The following GRIP1 variants were observed in gnomAD, a reference collection of about 807,000 sequenced individuals.
GRIP1 encodes the protein glutamate receptor interacting protein 1, also known as glutamate receptor-interacting protein 1.
GRIP1 carries 45 observed loss-of-function variants against 129.9 expected under a neutral mutation model. That is an observed-to-expected ratio of 0.35 (90% CI 0.27 to 0.44). The LOEUF is 0.44. Among genes scored for constraint, GRIP1 ranks in the 20% least tolerant of loss-of-function variants. The pLI, the probability that GRIP1 is intolerant of heterozygous loss-of-function variation, is 1.00. For missense variants in GRIP1, 1,196 were observed against 1,396.8 expected (o/e 0.86, Z 2.29); for synonymous variants, 530 against 520.8 (o/e 1.02, Z -0.24).
intron 6 of GRIP1, 77 bp from the exon 7 acceptor site, chr12:66,515,841 T>C (rs973246603): frequency 6.3e-6 from 8 of 1,275,002 alleles, no homozygotes; most frequent in Non-Finnish European, 9.2e-6. Flanking sequence ...TTTAGCCAAA[T>C]TCGTTTTGTC....
At chr12:66,491,627 T>G (rs1037040587) in intron 7 of GRIP1, among the ~76,000 whole-genome samples, 1 of 151,794 alleles carries the variant, frequency 6.6e-6, no homozygotes, top group African/African-American at 2.4e-5. Context: ...AACTTAAGAG[T>G]TGAAGAAAAA....
chr12:66,842,077 G>A (rs1422605728), intron 1 of GRIP1, among the ~76,000 whole-genome samples: 1 of 151,892 alleles, frequency 6.6e-6, no homozygotes, highest in Admixed American at 6.6e-5. Flanking sequence ...TCCCCTTATT[G>A]AGGACATATA....
chr12:66,769,375 T>C (rs1029748733), intron 1 of GRIP1, among the ~76,000 whole-genome samples: 11 of 152,102 alleles, frequency 7.2e-5, no homozygotes, highest in African/African-American at 1.7e-4. Context: ...CCTGTGATTA[T>C]GCTCCCTGAA....
At chr12:66,806,742 TTATC>T, upstream of GRIP1, among the ~76,000 whole-genome samples, 1 of 152,104 alleles carries the variant, frequency 6.6e-6, no homozygotes, top group East Asian at 1.9e-4. Flanking sequence ...CAAAGTAAAA[TTATC>T]TACATACCAA....
intron 1 of GRIP1, among the ~76,000 whole-genome samples, chr12:66,692,377 C>G (rs956293320): frequency 6.6e-6 from 1 of 152,162 alleles, no homozygotes; most frequent in Non-Finnish European, 1.5e-5. Flanking sequence ...TAAGCTGTCC[C>G]TTCCTTTTTT....
chr12:66,759,924 G>A (rs573307317), intron 1 of GRIP1, among the ~76,000 whole-genome samples: 31 of 151,494 alleles, frequency 2.0e-4, no homozygotes, highest in Admixed American at 9.2e-4. Context: ...GTGCAATCTC[G>A]GCTCACTGCA....
intron 22 of GRIP1, 149 bp downstream of exon 22, chr12:66,376,868 A>G: frequency 1.3e-6 from 1 of 769,050 alleles, no homozygotes; most frequent in Admixed American, 1.7e-5. Flanking sequence ...GCAGGGAGCA[A>G]TGGCAGAAGC....
chr12:66,395,752 A>T (rs879266082), intron 16 of GRIP1, among the ~76,000 whole-genome samples: 9 of 152,178 alleles, frequency 5.9e-5, no homozygotes, highest in Non-Finnish European at 1.2e-4. Context: ...TAGGGCACAA[A>T]ATCTTCAACA....
intron 1 of GRIP1, among the ~76,000 whole-genome samples, chr12:66,672,899 G>A (rs1483867559): frequency 6.6e-6 from 1 of 152,116 alleles, no homozygotes; most frequent in Non-Finnish European, 1.5e-5. Flanking sequence ...GAAATTTAGT[G>A]GGGGAAATTC....
chr12:66,355,793 C>A (rs1313754412), intron 23 of GRIP1, among the ~76,000 whole-genome samples: 1 of 152,208 alleles, frequency 6.6e-6, no homozygotes, highest in Non-Finnish European at 1.5e-5. Context: ...GCCCCTAAGG[C>A]AGCACCTGTC....
At chr12:66,420,112 GTATT>G (rs1310400455) in intron 15 of GRIP1, among the ~76,000 whole-genome samples, 1 of 151,888 alleles carries the variant, frequency 6.6e-6, no homozygotes, top group Non-Finnish European at 1.5e-5. Context: ...ATAAAACAAA[GTATT>G]TATTTAATAA....
At chr12:66,670,892 C>A (rs750996548) in intron 1 of GRIP1, among the ~76,000 whole-genome samples, 16 of 152,128 alleles carry the variant, frequency 1.1e-4, no homozygotes, top group Admixed American at 2.0e-4. Context: ...CTTATATCTG[C>A]TCAGCTTCTC....
chr12:66,597,816 G>A (rs183012359), intron 1 of GRIP1, among the ~76,000 whole-genome samples: 144 of 152,042 alleles, frequency 9.5e-4, no homozygotes, highest in Admixed American at 8.3e-3. Flanking sequence ...TAGTAATCTA[G>A]GATGGCAAAT....
At chr12:66,442,478 T>C (rs925344586) in intron 13 of GRIP1, among the ~76,000 whole-genome samples, 1 of 152,208 alleles carries the variant, frequency 6.6e-6, no homozygotes, top group Non-Finnish European at 1.5e-5. Context: ...TAACCCTCTA[T>C]GCTGCTGTAT....
intron 1 of GRIP1, among the ~76,000 whole-genome samples, chr12:66,872,206 A>C (rs11176470): frequency 0.082 from 12,441 of 152,046 alleles, 565 homozygotes; most frequent in South Asian, 0.11. Flanking sequence ...GGAAGCAAGA[A>C]ATCTAAGAAG....
At chr12:66,847,682 C>A (rs569376947) in intron 1 of GRIP1, among the ~76,000 whole-genome samples, 1 of 151,976 alleles carries the variant, frequency 6.6e-6, no homozygotes, top group Non-Finnish European at 1.5e-5. Flanking sequence ...ATTTTCTGTT[C>A]AAAAAAATCC....
At chr12:66,853,244 A>C (rs1036905008) in intron 1 of GRIP1, among the ~76,000 whole-genome samples, 1 of 151,848 alleles carries the variant, frequency 6.6e-6, no homozygotes, top group South Asian at 2.1e-4. Flanking sequence ...GGATGCTCCA[A>C]TAGTTCCTTA....
chr12:66,958,370 G>A (rs573453742), intron 1 of GRIP1, among the ~76,000 whole-genome samples: 34 of 152,208 alleles, frequency 2.2e-4, no homozygotes, highest in African/African-American at 5.3e-4. Context: ...TTACCCAAGC[G>A]ATCCTCCCAT....
intron 1 of GRIP1, among the ~76,000 whole-genome samples, chr12:66,875,767 A>C (rs1253797385): frequency 6.6e-6 from 1 of 152,110 alleles, no homozygotes; most frequent in Middle Eastern, 3.2e-3. Context: ...TAATAAGAAA[A>C]GAAAACCAAT....
Sources: gnomAD v4.1 joint callset for allele counts (sites outside exome capture counted in the v4.1 genomes callset) on GRCh38, gnomAD v4.1.1 for gene constraint, MANE v1.5 for transcripts, NCBI Gene and HGNC (gene_info 2026-07-23, HGNC 2026-07-21) for gene names.